CDK14: variants seen among roughly 807,000 people sequenced by gnomAD.
CDK14 encodes the protein cyclin dependent kinase 14.
In CDK14, 34 loss-of-function variants were observed where a neutral mutation model predicts 60.7. That is an observed-to-expected ratio of 0.56 (90% confidence interval 0.43 to 0.75). The LOEUF (loss-of-function observed/expected upper bound fraction) is 0.75, where lower values mean the gene tolerates loss of function less well. Ranked by LOEUF, CDK14 falls within the 30% of genes least tolerant of loss-of-function variation. The pLI is 0.00. For synonymous variants in CDK14, 197 were observed against 203.7 expected (o/e 0.97, Z 0.28); for missense variants, 482 against 564.1 (o/e 0.85, Z 1.47).
At chr7:91,036,004 C>T (rs1159661609) in intron 10 of CDK14, among the ~76,000 whole-genome samples, 4 of 152,100 alleles carry the variant, frequency 2.6e-5, no homozygotes, top group Admixed American at 1.3e-4. Flanking sequence ...CCACCGCACC[C>T]GGCTAATTTT....
At chr7:90,757,606 T>G (rs74550611) in intron 4 of CDK14, among the ~76,000 whole-genome samples, 3 of 152,026 alleles carry the variant, frequency 2.0e-5, no homozygotes, top group African/African-American at 7.3e-5. Flanking sequence ...CTTTTTTTTT[T>G]TTTTGTTTGA....
intron 3 of CDK14, among the ~76,000 whole-genome samples, chr7:90,736,221 C>T (rs975182470): frequency 6.6e-6 from 1 of 152,084 alleles, no homozygotes; most frequent in Admixed American, 6.5e-5. Context: ...CACCTGCCTT[C>T]CGTGTTGATC....
chr7:90,647,433 T>A (rs1361656830), intron 2 of CDK14, among the ~76,000 whole-genome samples: 3 of 152,150 alleles, frequency 2.0e-5, no homozygotes, highest in Non-Finnish European at 2.9e-5. Context: ...TTCTAATTAT[T>A]AAAAGAATGA....
chr7:91,006,435 C>T (rs1274779117), intron 10 of CDK14, among the ~76,000 whole-genome samples: 1 of 152,196 alleles, frequency 6.6e-6, no homozygotes, highest in African/African-American at 2.4e-5. Context: ...CACATAACTC[C>T]TGGATAGAAA....
At chr7:91,194,219 G>A (rs957857192) in intron 14 of CDK14, among the ~76,000 whole-genome samples, 9 of 152,254 alleles carry the variant, frequency 5.9e-5, no homozygotes, top group African/African-American at 2.2e-4. Flanking sequence ...TTTATATCGT[G>A]TTTGGACCCA....
chr7:90,848,378 G>C (rs1398389427), intron 5 of CDK14, among the ~76,000 whole-genome samples: 1 of 152,152 alleles, frequency 6.6e-6, no homozygotes, highest in Non-Finnish European at 1.5e-5. Flanking sequence ...TACTTTGCCT[G>C]GCCTGAGCCA....
At chr7:90,911,655 CTG>C (rs3840665) in intron 7 of CDK14, among the ~76,000 whole-genome samples, 28,103 of 151,970 alleles carry the variant, frequency 0.18, 2,722 homozygotes, top group East Asian at 0.25. Context: ...CCTCTAGACA[CTG>C]AGAAAAAGAG....
chr7:90,660,781 T>TA, intron 2 of CDK14, among the ~76,000 whole-genome samples: 1 of 152,240 alleles, frequency 6.6e-6, no homozygotes, highest in East Asian at 1.9e-4. Context: ...ACATGCTCTG[T>TA]AGCTCTGACT....
rs745320269 is a variant in CDK14, at chr7:91,207,792, AT to A, written c.*660del. ...TATAGGATATTGGACTCTGCTTAGC[AT>A]TTTCAAGCCACATAGCATGACTGTT... On this transcript the variant is annotated 3_prime_UTR_variant, in exon 15 of 15. Transcript: ENST00000380050. 49 of 152,770 alleles carry A rather than the reference AT, an allele frequency of 3.2e-4. No homozygotes were observed. Among genetic ancestry groups the A allele is most frequent in the South Asian group, 6.2e-4 (3 of 4,828 alleles). 9.5% of individuals were successfully genotyped at this position (152,770 alleles called of 1,614,324 possible).
chr7:91,124,641 G>A (rs1028709210), intron 14 of CDK14, among the ~76,000 whole-genome samples: 6 of 151,938 alleles, frequency 3.9e-5, no homozygotes, highest in African/African-American at 1.5e-4. Flanking sequence ...AGCATTTCCA[G>A]GTCAAATGAG....
chr7:91,128,930 T>C (rs1800034521), intron 14 of CDK14, among the ~76,000 whole-genome samples: 2 of 152,186 alleles, frequency 1.3e-5, no homozygotes, highest in Admixed American at 6.6e-5. Flanking sequence ...GACATTCTTA[T>C]GTTTATCATA....
At chr7:90,666,873 G>A (rs1345115790) in intron 2 of CDK14, among the ~76,000 whole-genome samples, 1 of 152,104 alleles carries the variant, frequency 6.6e-6, no homozygotes, top group African/African-American at 2.4e-5. Context: ...ATTTTGTATC[G>A]CAATCTCTTT....
At chr7:90,801,531 A>G (rs1479854412) in intron 5 of CDK14, among the ~76,000 whole-genome samples, 1 of 152,174 alleles carries the variant, frequency 6.6e-6, no homozygotes, top group Non-Finnish European at 1.5e-5. Context: ...GAACTGATAT[A>G]ATGGAGACCT....
intron 14 of CDK14, among the ~76,000 whole-genome samples, chr7:91,134,154 C>A (rs1800198773): frequency 2.6e-5 from 4 of 152,080 alleles, no homozygotes; most frequent in Admixed American, 2.6e-4. Flanking sequence ...TTTAATGAAA[C>A]AATATGTACT....
intron 12 of CDK14, among the ~76,000 whole-genome samples, chr7:91,083,694 T>C (rs1798545816): frequency 6.6e-6 from 1 of 152,168 alleles, no homozygotes; most frequent in East Asian, 1.9e-4. Context: ...AAATTGCAGA[T>C]AGGATTCTTG....
chr7:90,616,435 A>G (rs1223456023), intron 2 of CDK14, among the ~76,000 whole-genome samples: 7 of 152,164 alleles, frequency 4.6e-5, no homozygotes, highest in South Asian at 4.1e-4. Flanking sequence ...CTTCAAGTCA[A>G]TATGATGGAG....
At chr7:90,955,543 A>G (rs1794385252) in intron 8 of CDK14, among the ~76,000 whole-genome samples, 154 bp from the exon 9 acceptor site, 1 of 152,162 alleles carries the variant, frequency 6.6e-6, no homozygotes, top group Non-Finnish European at 1.5e-5. Flanking sequence ...AAACCACAAT[A>G]TGCTTTCCCC....
intron 5 of CDK14, among the ~76,000 whole-genome samples, chr7:90,862,126 T>C (rs1005494764): frequency 1.3e-5 from 2 of 152,064 alleles, no homozygotes; most frequent in Non-Finnish European, 2.9e-5. Context: ...AAATCAGAAG[T>C]GAAGACTAAA....
chr7:90,877,185 G>A (rs907802778), intron 6 of CDK14, among the ~76,000 whole-genome samples: 1 of 152,106 alleles, frequency 6.6e-6, no homozygotes, highest in Non-Finnish European at 1.5e-5. Flanking sequence ...AGGGGTAAAA[G>A]GTTCTGATTT....
Sources: allele counts gnomAD v4.1 joint callset (sites outside exome capture counted in the v4.1 genomes callset), GRCh38; gene constraint gnomAD v4.1.1; transcripts MANE v1.5; gene names NCBI Gene and HGNC (gene_info 2026-07-23, HGNC 2026-07-21).